Variants in SCTR observed in about 807,000 individuals in gnomAD.
The protein encoded by SCTR is secretin receptor.
SCTR carries 56 observed loss-of-function variants against 60.8 expected under a neutral mutation model. That is an observed-to-expected ratio of 0.92 (90% CI 0.74 to 1.15). The LOEUF is 1.15. Ranked by LOEUF, SCTR falls within the 50% of genes most tolerant of loss-of-function variation. The pLI is 0.00. For synonymous variants in SCTR, 202 were observed against 217.0 expected, an observed-to-expected ratio of 0.93 and a Z score of 0.61; for missense variants, 562 against 550.4, an observed-to-expected ratio of 1.02 and a Z score of -0.21.
At chr2:119,452,972 G>A (rs1390228412) in intron 8 of SCTR, among the ~76,000 whole-genome samples, 1 of 152,188 alleles carries the variant, frequency 6.6e-6, no homozygotes, top group Non-Finnish European at 1.5e-5. Flanking sequence ...AAGCTGGACT[G>A]GCCCTTCCTT....
At chr2:119,488,857 T>A (rs568607027) in intron 2 of SCTR, among the ~76,000 whole-genome samples, 1 of 151,956 alleles carries the variant, frequency 6.6e-6, no homozygotes, top group East Asian at 1.9e-4. Flanking sequence ...CATTGAGGAG[T>A]GGGGAGAATC....
chr2:119,442,927 T>C (rs1464549726), intron 11 of SCTR, among the ~76,000 whole-genome samples: 1 of 151,788 alleles, frequency 6.6e-6, no homozygotes, highest in African/African-American at 2.4e-5. Flanking sequence ...GCCTGAGTAA[T>C]TGTAGGTCCC....
At chr2:119,501,790 G>A (rs770526329) in intron 1 of SCTR, among the ~76,000 whole-genome samples, 1 of 151,632 alleles carries the variant, frequency 6.6e-6, no homozygotes, top group Non-Finnish European at 1.5e-5. Flanking sequence ...AGAAGAAGAA[G>A]AAAAACCTAT....
At chr2:119,442,112 G>C (rs556797182) in intron 11 of SCTR, among the ~76,000 whole-genome samples, 1 of 152,356 alleles carries the variant, frequency 6.6e-6, no homozygotes, top group Non-Finnish European at 1.5e-5. Flanking sequence ...TGGTGAGCAG[G>C]GTTGGAGCTC....
chr2:119,465,928 C>A (rs1243537464), intron 4 of SCTR, 42 bp from the exon 5 acceptor site: 1 of 1,412,938 alleles, frequency 7.1e-7, no homozygotes, highest in Non-Finnish European at 1.0e-6. Flanking sequence ...GCCCTCCTGG[C>A]TAGCTCTGCC....
intron 1 of SCTR, among the ~76,000 whole-genome samples, chr2:119,510,999 C>G (rs1678910801): frequency 6.6e-6 from 1 of 151,818 alleles, no homozygotes; most frequent in Non-Finnish European, 1.5e-5. Context: ...AGATGGAGAC[C>G]ATCCTGGCTA....
chr2:119,454,573 G>C (rs557328442), intron 7 of SCTR, among the ~76,000 whole-genome samples: 2 of 152,186 alleles, frequency 1.3e-5, no homozygotes, highest in South Asian at 4.1e-4. Flanking sequence ...GTAAAACATG[G>C]CCAGACGCGG....
intron 1 of SCTR, among the ~76,000 whole-genome samples, chr2:119,512,744 T>C (rs1678997063): frequency 6.6e-6 from 1 of 152,204 alleles, no homozygotes; most frequent in Admixed American, 6.5e-5. Context: ...TCTGTAGAGT[T>C]TTTTTATGAA....
intron 1 of SCTR, among the ~76,000 whole-genome samples, chr2:119,495,229 G>A (rs1336608527): frequency 2.6e-5 from 4 of 152,190 alleles, no homozygotes; most frequent in Non-Finnish European, 5.9e-5. Flanking sequence ...TGGGATTATA[G>A]GCATGAGCCA....
chr2:119,485,660 T>C (rs973550302), intron 2 of SCTR, among the ~76,000 whole-genome samples: 1 of 152,200 alleles, frequency 6.6e-6, no homozygotes, highest in South Asian at 2.1e-4. Context: ...TGGTGCTCAC[T>C]TCATCGGCTG....
chr2:119,473,075 A>C (rs907914035), intron 4 of SCTR, among the ~76,000 whole-genome samples: 1 of 152,230 alleles, frequency 6.6e-6, no homozygotes, highest in Non-Finnish European at 1.5e-5. Flanking sequence ...CGTAGTGATT[A>C]AATCTTCCCC....
chr2:119,441,552 A>T lies in SCTR; in HGVS notation c.1182+6T>A, dbSNP rs1420962093. On this transcript the variant is annotated splice_donor_region_variant and intron_variant, in intron 12 of 12. Coordinates refer to ENST00000019103, the MANE Select transcript of SCTR (RefSeq NM_002980.3). ...CTGGGTACCTGGGTGACCCAAGACT[A>T]CTCACCTCCCCATTGAGGAAGCAGT... The T allele has an allele frequency of 6.2e-7, 1 of 1,609,390 alleles. No homozygotes were observed. The highest frequency in any genetic ancestry group is 1.3e-5 in the African/African-American group (1 of 74,596).
intron 2 of SCTR, among the ~76,000 whole-genome samples, chr2:119,489,951 G>A (rs1052509169): frequency 4.6e-5 from 7 of 152,284 alleles, no homozygotes; most frequent in South Asian, 4.1e-4. Context: ...CAGAGACTCC[G>A]CATTCTAGGC....
At position 119,471,760 on chromosome 2, in the gene SCTR, T is replaced by C. The variant is rs562214699; in HGVS notation, c.405+1693A>G. Among the ~76,000 whole-genome samples the C allele has an allele frequency of 2.7e-4, 41 of 152,182 alleles. No homozygotes were observed. In the South Asian group the frequency reaches 8.3e-3, roughly 31 times the overall value. ...TACTCCCTGGGCGGGGCACACATCTTATGGGGAGGTATCAGAAGACAGAGG... is the reference window on the plus strand; with the variant it reads ...TACTCCCTGGGCGGGGCACACATCTCATGGGGAGGTATCAGAAGACAGAGG... On this transcript the variant is annotated intron_variant, in intron 4 of 12. Coordinates refer to ENST00000019103, the MANE Select transcript of SCTR (RefSeq NM_002980.3).
At chr2:119,478,705 A>G in intron 3 of SCTR, 106 bp downstream of exon 3, 2 of 929,892 alleles carry the variant, frequency 2.2e-6, no homozygotes, top group South Asian at 3.2e-5. Flanking sequence ...TTGTACCCAT[A>G]CTTGTCCTCA....
At chr2:119,501,431 C>G (rs973732458) in intron 1 of SCTR, among the ~76,000 whole-genome samples, 1 of 151,396 alleles carries the variant, frequency 6.6e-6, no homozygotes, top group Admixed American at 6.6e-5. Context: ...AAGTGGATCT[C>G]TTGGAGGTAG....
At chr2:119,442,646 T>C (rs1487184758) in intron 11 of SCTR, among the ~76,000 whole-genome samples, 1 of 152,218 alleles carries the variant, frequency 6.6e-6, no homozygotes, top group African/African-American at 2.4e-5. Context: ...CAGGTATCAA[T>C]GACTGCTACA....
chr2:119,513,612 A>G (rs1679022929), intron 1 of SCTR, among the ~76,000 whole-genome samples: 1 of 152,202 alleles, frequency 6.6e-6, no homozygotes, highest in African/African-American at 2.4e-5. Flanking sequence ...GGATTTTAAA[A>G]TATTTAGACC....
chr2:119,494,560 A>G lies in SCTR; in HGVS notation c.73-12T>C. On this transcript the variant is annotated splice_polypyrimidine_tract_variant and intron_variant, in intron 1 of 12. Coordinates refer to ENST00000019103, the MANE Select transcript of SCTR (RefSeq NM_002980.3). ...GGAAGGGCTCCAGTCTGCAAGTCCA[A>G]AACCAGGGATGCTCATCATTGCCAC... The G allele has an allele frequency of 6.2e-7, 1 of 1,613,410 alleles. No individual in the cohort carries two copies. The highest frequency in any genetic ancestry group is 1.1e-5 in the South Asian group (1 of 91,036).
Sources: gnomAD v4.1 joint callset for allele counts (sites outside exome capture counted in the v4.1 genomes callset) on GRCh38, gnomAD v4.1.1 for gene constraint, MANE v1.5 for transcripts, NCBI Gene and HGNC (gene_info 2026-07-23, HGNC 2026-07-21) for gene names.